Variants in SV2C observed in about 807,000 individuals in gnomAD.
SV2C encodes the protein synaptic vesicle glycoprotein 2C.
SV2C carries 49 observed loss-of-function variants against 79.7 expected under a neutral mutation model. The ratio of observed to expected loss-of-function variants is 0.61; its 90% CI spans 0.49 to 0.78. The LOEUF (loss-of-function observed/expected upper bound fraction) is 0.78, where lower values mean the gene tolerates loss of function less well. SV2C is among the 30% of genes least tolerant of loss of function. The pLI is 0.00. For synonymous variants in SV2C, 334 were observed against 333.2 expected (o/e 1.00, Z -0.03); for missense variants, 833 against 912.9 (o/e 0.91, Z 1.13).
the SV2C span, among the ~76,000 whole-genome samples, chr5:75,970,421 T>C: frequency 6.6e-6 from 1 of 151,948 alleles, no homozygotes; most frequent in Admixed American, 6.6e-5. Flanking sequence ...ATTGATAGAC[T>C]GCTAGCAAGA....
intron 4 of SV2C, among the ~76,000 whole-genome samples, chr5:76,221,799 C>T (rs1745072557): frequency 6.6e-6 from 1 of 152,114 alleles, no homozygotes; most frequent in African/African-American, 2.4e-5. Flanking sequence ...GCCTTACCAG[C>T]AGACTAGATC....
chr5:76,347,204 GC>G (rs1749561181), intron 12 of SV2C, among the ~76,000 whole-genome samples: 1 of 152,164 alleles, frequency 6.6e-6, no homozygotes, highest in African/African-American at 2.4e-5. Flanking sequence ...AAAGGACAGG[GC>G]CTTTTTACCC....
chr5:76,303,752 A>G (rs1041138825), intron 12 of SV2C, among the ~76,000 whole-genome samples: 2 of 152,188 alleles, frequency 1.3e-5, no homozygotes, highest in African/African-American at 2.4e-5. Flanking sequence ...AATAAAAACA[A>G]ATGTTGCTTA....
chr5:75,939,737 A>G, the SV2C span, among the ~76,000 whole-genome samples: 1 of 151,872 alleles, frequency 6.6e-6, no homozygotes, highest in Non-Finnish European at 1.5e-5. Flanking sequence ...AATGCAGTTG[A>G]CTCCCAAATC....
rs1486697370 is a variant in SV2C, at chr5:76,132,179, A to G, written c.429A>G (p.Gln143=). Residue 143 remains glutamine (Q), a synonymous_variant, in exon 2 of 13, where the codon CAA becomes CAG. Transcript: ENST00000502798. ...ELAQQYELII[Q]ECGHGRFQWA... ...CCCAGCAGTATGAGCTGATAATCCA[A>G]GAATGCGGTCATGGTCGTTTTCAGT... is the stretch of plus-strand genomic sequence containing the variant. The G allele has an allele frequency of 6.2e-7, 1 of 1,614,182 alleles. No homozygotes were observed. Among genetic ancestry groups the G allele is most frequent in the Non-Finnish European group, 8.5e-7 (1 of 1,180,030 alleles).
At chr5:76,275,726 T>C (rs1435158185) in intron 4 of SV2C, among the ~76,000 whole-genome samples, 1 of 152,226 alleles carries the variant, frequency 6.6e-6, no homozygotes, top group Admixed American at 6.5e-5. Flanking sequence ...TAAAAAGCTT[T>C]GATTATTATT....
chr5:76,330,737 G>C lies in SV2C; in HGVS notation c.*5190G>C, dbSNP rs1749155904. ...CTAGTACTTGGAAAATGAGAAAAATGAAACCACACATAAGTTGTTCCCTTA... is the reference window on the plus strand; with the variant it reads ...CTAGTACTTGGAAAATGAGAAAAATCAAACCACACATAAGTTGTTCCCTTA... On this transcript the variant is annotated 3_prime_UTR_variant, in exon 13 of 13. Coordinates refer to ENST00000502798, the MANE Select transcript of SV2C (RefSeq NM_014979.4). 6.6e-6 allele frequency: 1 copy of C among 151,154 alleles called. No individual in the cohort carries two copies. The highest frequency in any genetic ancestry group is 1.5e-5 in the Non-Finnish European group (1 of 67,964). The allele number at this position is 151,154 out of a possible 1,614,324, so 9.4% of individuals were successfully genotyped here.
chr5:76,073,576 G>T, the SV2C span, among the ~76,000 whole-genome samples: 38 of 124,242 alleles, frequency 3.1e-4, no homozygotes, highest in African/African-American at 1.1e-3. Context: ...CCATAAAAAG[G>T]AATGAAATAA....
intron 1 of SV2C, among the ~76,000 whole-genome samples, chr5:76,121,906 G>T (rs562896810): frequency 7.1e-4 from 108 of 152,252 alleles, no homozygotes; most frequent in African/African-American, 2.5e-3. Flanking sequence ...ATTCTGTGAA[G>T]AAAGACATTG....
At chr5:75,952,255 C>T in the SV2C span, among the ~76,000 whole-genome samples, 1 of 81,992 alleles carries the variant, frequency 1.2e-5, no homozygotes, top group Non-Finnish European at 2.9e-5. Flanking sequence ...ATTTTCCTTC[C>T]TTCCTTCCTT....
intron 2 of SV2C, among the ~76,000 whole-genome samples, chr5:76,168,314 C>G (rs776558840): frequency 6.6e-6 from 1 of 152,172 alleles, no homozygotes; most frequent in East Asian, 1.9e-4. Flanking sequence ...GTCTAATGCT[C>G]GCTACTTTAG....
chr5:76,182,159 TTTA>T (rs962857820), intron 2 of SV2C, among the ~76,000 whole-genome samples: 2 of 152,226 alleles, frequency 1.3e-5, no homozygotes, highest in African/African-American at 4.8e-5. Context: ...TGACCACTGC[TTTA>T]TTGATTTGCA....
the SV2C span, among the ~76,000 whole-genome samples, chr5:75,870,179 T>C: frequency 3.3e-5 from 5 of 152,034 alleles, no homozygotes; most frequent in East Asian, 9.7e-4. Context: ...AAGGGACCAA[T>C]TCTAGAGAAA....
chr5:76,255,171 C>T (rs980007358), intron 4 of SV2C, among the ~76,000 whole-genome samples: 3 of 152,200 alleles, frequency 2.0e-5, no homozygotes, highest in Non-Finnish European at 4.4e-5. Flanking sequence ...ATTTCTAATA[C>T]ATCAAGGTAG....
the SV2C span, among the ~76,000 whole-genome samples, chr5:75,956,311 C>T: frequency 2.7e-5 from 4 of 145,492 alleles, no homozygotes; most frequent in African/African-American, 1.0e-4. Flanking sequence ...AAACCAAACA[C>T]TGCATATTCT....
rs1742777886 is a variant in SV2C at position 76,157,792 on chromosome 5, C to G, written c.580+25462C>G. Among the ~76,000 whole-genome samples, 6 of 151,650 alleles carry G rather than the reference C, an allele frequency of 4.0e-5. No homozygotes were observed. The South Asian group carries it at 1.2e-3, about 31-fold the overall frequency. On this transcript the variant is annotated intron_variant, in intron 2 of 12. Coordinates refer to ENST00000502798, the MANE Select transcript of SV2C (RefSeq NM_014979.4). ...ATATATATATTTGTTCTCCTTTCTT[C>G]ACTTAACTTCCTTAAAAGACATAAT...
At chr5:76,073,864 AC>A in the SV2C span, among the ~76,000 whole-genome samples, 1 of 152,148 alleles carries the variant, frequency 6.6e-6, no homozygotes, top group Non-Finnish European at 1.5e-5. Context: ...TATTCATGTA[AC>A]AAAACACCAC....
upstream of SV2C, among the ~76,000 whole-genome samples, chr5:76,080,643 G>C (rs1320259158): frequency 6.6e-6 from 1 of 152,184 alleles, no homozygotes; most frequent in African/African-American, 2.4e-5. Context: ...TGCGAAAACA[G>C]ACCTCTCATG....
chr5:75,879,199 C>T, the SV2C span, among the ~76,000 whole-genome samples: 1 of 152,098 alleles, frequency 6.6e-6, no homozygotes, highest in Non-Finnish European at 1.5e-5. Context: ...ATATTCAAAC[C>T]ATATCATTCT....
Sources: gnomAD v4.1 joint callset for allele counts (sites outside exome capture counted in the v4.1 genomes callset) on GRCh38, gnomAD v4.1.1 for gene constraint, MANE v1.5 for transcripts, NCBI Gene and HGNC (gene_info 2026-07-23, HGNC 2026-07-21) for gene names.